The following BTBD9 variants were observed in gnomAD, a reference collection of about 807,000 sequenced individuals.
BTBD9 encodes BTB/POZ domain-containing protein 9.
Under a neutral mutation model 64.3 loss-of-function variants are expected in BTBD9, and 49 were observed. That is an observed-to-expected ratio of 0.76 (90% CI 0.61 to 0.97). The LOEUF is 0.97. BTBD9 is among the 50% of genes least tolerant of loss of function. The pLI is 0.00. For synonymous variants in BTBD9, 260 were observed against 274.7 expected, an observed-to-expected ratio of 0.95 and a Z score of 0.53; for missense variants, 598 against 762.1, an observed-to-expected ratio of 0.78 and a Z score of 2.53.
At chr6:38,325,178 A>G (rs1763373928) in intron 7 of BTBD9, among the ~76,000 whole-genome samples, 1 of 152,194 alleles carries the variant, frequency 6.6e-6, no homozygotes, top group Non-Finnish European at 1.5e-5. Flanking sequence ...GAAAATTAAA[A>G]CACATATACA....
chr6:38,442,114 T>C (rs1769060987), intron 6 of BTBD9, among the ~76,000 whole-genome samples: 1 of 152,188 alleles, frequency 6.6e-6, no homozygotes, highest in African/African-American at 2.4e-5. Flanking sequence ...GCCTTCATAA[T>C]GCTGATGTTG....
At chr6:38,622,319 T>C (rs999572764) in intron 1 of BTBD9, among the ~76,000 whole-genome samples, 5 of 152,214 alleles carry the variant, frequency 3.3e-5, no homozygotes, top group African/African-American at 1.2e-4. Context: ...TTGATAACTT[T>C]ACAAATTGGA....
At chr6:38,577,755 C>T (rs962602829) in intron 5 of BTBD9, 36 bp from the exon 6 acceptor site, 2 of 1,578,058 alleles carry the variant, frequency 1.3e-6, no homozygotes, top group Non-Finnish European at 8.6e-7. Context: ...AAAAAATTAC[C>T]ACATTAAAAA....
intron 6 of BTBD9, among the ~76,000 whole-genome samples, chr6:38,411,206 A>C (rs563366956): frequency 1.3e-5 from 2 of 152,308 alleles, no homozygotes; most frequent in East Asian, 3.9e-4. Flanking sequence ...TCCCCATCAA[A>C]ATTAGATAAG....
chr6:38,542,006 A>T (rs1221377428), intron 6 of BTBD9, among the ~76,000 whole-genome samples: 2 of 152,206 alleles, frequency 1.3e-5, no homozygotes, highest in East Asian at 3.9e-4. Context: ...TTATACAGAG[A>T]ATATACAGGG....
rs534937934 is a variant in BTBD9 at position 38,627,141 on chromosome 6, A to T, written c.-28+12659T>A. Among the ~76,000 whole-genome samples the T allele has an allele frequency of 9.2e-5, 14 of 152,354 alleles. No individual in the cohort carries two copies. In the East Asian group the frequency reaches 2.7e-3, roughly 29 times the overall value. On this transcript the variant is annotated intron_variant, in intron 1 of 10. Transcript: ENST00000481247. ...CTATCTGAGAGAACTTCACCAACCCACCAATTACACCACGGCAAAGATGGC... is the reference window on the plus strand; with the variant it reads ...CTATCTGAGAGAACTTCACCAACCCTCCAATTACACCACGGCAAAGATGGC...
At chr6:38,638,076 T>A (rs1021135056) in intron 1 of BTBD9, among the ~76,000 whole-genome samples, 1 of 152,206 alleles carries the variant, frequency 6.6e-6, no homozygotes, top group African/African-American at 2.4e-5. Flanking sequence ...ACATTATTAT[T>A]TTCTCAGCTC....
At chr6:38,251,399 G>A (rs1764397130) in intron 9 of BTBD9, among the ~76,000 whole-genome samples, 1 of 151,448 alleles carries the variant, frequency 6.6e-6, no homozygotes, top group Non-Finnish European at 1.5e-5. Context: ...TGAGTAGCTG[G>A]GTTTACAGGC....
rs1766907635 is a variant in BTBD9 at position 38,174,284 on chromosome 6, T to C, written c.*701A>G. On this transcript the variant is annotated 3_prime_UTR_variant, in exon 11 of 11. Coordinates refer to ENST00000481247, the MANE Select transcript of BTBD9 (RefSeq NM_001099272.2). The stretch of plus-strand genomic sequence containing the variant: ...TCCAGTGTCCACAGGTTGATTTGCT[T>C]GTGTGCATTTGTGGCACTTCCTCTG... The C allele has an allele frequency of 6.6e-6, 1 of 152,260 alleles. No individual in the cohort carries two copies. Among genetic ancestry groups the C allele is most frequent in the Non-Finnish European group, 1.5e-5 (1 of 68,058 alleles). The allele number at this position is 152,260 out of a possible 1,614,324, so 9.4% of individuals were successfully genotyped here. A position where few individuals can be genotyped will look rare whatever the true frequency, so the allele number is the denominator to read the frequency against.
intron 10 of BTBD9, among the ~76,000 whole-genome samples, chr6:38,177,635 A>G (rs1761335238): frequency 6.6e-6 from 1 of 152,198 alleles, no homozygotes; most frequent in Non-Finnish European, 1.5e-5. Context: ...CGCTGGTAAG[A>G]GCCTGGGAAG....
At chr6:38,202,085 G>GT (rs147043026) in intron 9 of BTBD9, among the ~76,000 whole-genome samples, 7,062 of 120,564 alleles carry the variant, frequency 0.059, 290 homozygotes, top group African/African-American at 0.073. Context: ...CGTTTTTTTT[G>GT]TTTTTTTTTT....
intron 6 of BTBD9, among the ~76,000 whole-genome samples, chr6:38,461,601 T>TA (rs1019540319): frequency 2.0e-5 from 3 of 152,236 alleles, no homozygotes; most frequent in Admixed American, 6.5e-5. Flanking sequence ...TTTTGCATAT[T>TA]AAAAATGAAG....
At chr6:38,625,420 G>A (rs1778133234) in intron 1 of BTBD9, among the ~76,000 whole-genome samples, 1 of 152,172 alleles carries the variant, frequency 6.6e-6, no homozygotes, top group Admixed American at 6.5e-5. Flanking sequence ...CCCAGGGCTA[G>A]TAACAATTGA....
At position 38,511,928 on chromosome 6, in the gene BTBD9, T is replaced by C. The variant is rs147308091; in HGVS notation, c.1154+65672A>G. 3.8e-3 allele frequency among the ~76,000 whole-genome samples: 578 copies of C among 151,984 alleles called. 1 individual carries two copies. The highest frequency in any genetic ancestry group is 5.2e-3 in the Non-Finnish European group (356 of 67,986). On this transcript the variant is annotated intron_variant, in intron 6 of 10. Coordinates refer to ENST00000481247, the MANE Select transcript of BTBD9 (RefSeq NM_001099272.2). Reference sequence around the variant, plus strand: ...CTAGGACCCTCTTGAAAGCTCAGAGTAGGAATTTTGAGTTTCATCCACAGA... The same window carrying C: ...CTAGGACCCTCTTGAAAGCTCAGAGCAGGAATTTTGAGTTTCATCCACAGA...
intron 6 of BTBD9, among the ~76,000 whole-genome samples, chr6:38,432,570 G>A (rs890887727): frequency 6.6e-6 from 1 of 151,884 alleles, no homozygotes; most frequent in East Asian, 1.9e-4. Flanking sequence ...CATAAGATTT[G>A]TGAATTCTCC....
intron 8 of BTBD9, among the ~76,000 whole-genome samples, chr6:38,285,682 T>C (rs1026706312): frequency 2.6e-5 from 4 of 151,988 alleles, no homozygotes; most frequent in Non-Finnish European, 4.4e-5. Context: ...AAAGAGAAAA[T>C]TGAAGTCCCA....
chr6:38,209,749 C>T (rs1018497828), intron 9 of BTBD9, among the ~76,000 whole-genome samples: 61 of 152,128 alleles, frequency 4.0e-4, no homozygotes, highest in African/African-American at 1.4e-3. Flanking sequence ...TCTTCTGTCC[C>T]GACTACAGTC....
intron 8 of BTBD9, among the ~76,000 whole-genome samples, chr6:38,277,640 A>T (rs1057477380): frequency 6.6e-6 from 1 of 152,194 alleles, no homozygotes; most frequent in East Asian, 1.9e-4. Flanking sequence ...AGCCAGCTAC[A>T]GAACATTTTT....
intron 8 of BTBD9, among the ~76,000 whole-genome samples, chr6:38,279,300 A>G (rs1282611764): frequency 6.6e-6 from 1 of 152,154 alleles, no homozygotes. Context: ...CACTGACATC[A>G]GGTGCTATCG....
Sources: gnomAD v4.1 joint callset for allele counts (sites outside exome capture counted in the v4.1 genomes callset) on GRCh38, gnomAD v4.1.1 for gene constraint, MANE v1.5 for transcripts, NCBI Gene and HGNC (gene_info 2026-07-23, HGNC 2026-07-21) for gene names.